SCGB1D1: variants seen among roughly 807,000 people sequenced by gnomAD.
The protein encoded by SCGB1D1 is secretoglobin family 1D member 1.
A neutral mutation model predicts 8.3 loss-of-function variants in SCGB1D1; 10 were observed. The observed-to-expected ratio is 1.21, with a 90% CI of 0.74 to 2.05. The LOEUF (loss-of-function observed/expected upper bound fraction) is 2.05. Ranked by LOEUF, SCGB1D1 falls within the 30% of genes most tolerant of loss-of-function variation. The pLI is 0.00. For missense variants in SCGB1D1, 94 were observed against 105.1 expected, an observed-to-expected ratio of 0.89 and a Z score of 0.46; for synonymous variants, 46 against 41.7, an observed-to-expected ratio of 1.10 and a Z score of -0.39.
intron 1 of SCGB1D1, 33 bp downstream of exon 1, chr11:62,190,372 C>T (rs1220237555): frequency 6.2e-7 from 1 of 1,613,540 alleles, no homozygotes; most frequent in African/African-American, 1.3e-5. Context: ...CAGCACCAGC[C>T]CTTGGGACAC....
rs748751797 is a variant in SCGB1D1, at chr11:62,193,468, A to T, written c.*40A>T. 8 of 1,537,682 alleles carry T rather than the reference A, an allele frequency of 5.2e-6. No homozygotes were observed. In the Admixed American group the frequency reaches 1.3e-4, roughly 26 times the overall value. On this transcript the variant is annotated 3_prime_UTR_variant, in exon 3 of 3. Transcript: ENST00000306238. ...TTAATGCTAGTTTCCACCATCTTTC[A>T]ATGATACCCTGATCTTCACTGCAGA... is the stretch of plus-strand genomic sequence containing the variant.
intron 1 of SCGB1D1, among the ~76,000 whole-genome samples, chr11:62,190,705 T>G (rs1944671942): frequency 6.6e-6 from 1 of 152,158 alleles, no homozygotes; most frequent in African/African-American, 2.4e-5. Flanking sequence ...CTATCTCTGG[T>G]GCTTAGAGCT....
Position 62,192,129 on chromosome 11 carries a change from G to A in SCGB1D1, c.129G>A (p.Lys43=). The A allele has an allele frequency of 6.2e-7, 1 of 1,613,916 alleles. No homozygotes were observed. The change falls in exon 2 of 3, where the codon AAG becomes AAA. Residue 43 remains lysine, a synonymous_variant. Transcript: ENST00000306238. ...TATTAGCTGGAAAACCTGTGTTCAA[G>A]TTCCAACTTGCCAAATTTAAGGCAC... ...GFLLAGKPVF[K]FQLAKFKAPL...
chr11:62,192,365 G>T (rs566084820), intron 2 of SCGB1D1, 122 bp downstream of exon 2: 4 of 801,488 alleles, frequency 5.0e-6, no homozygotes, highest in Non-Finnish European at 6.0e-6. Flanking sequence ...ACTGGTCACC[G>T]CTTGAGAAGG....
intron 2 of SCGB1D1, 22 bp downstream of exon 2, chr11:62,192,265 T>G (rs762565988): frequency 6.3e-7 from 1 of 1,589,046 alleles, no homozygotes; most frequent in Non-Finnish European, 8.6e-7. Flanking sequence ...CTCTTTCATG[T>G]GTCCAGGCTT....
In SCGB1D1 at chr11:62,193,424, G is replaced by T. The variant is rs766448972; in HGVS notation, c.269G>T (p.Arg90Leu). 6.2e-7 allele frequency: 1 copy of T among 1,611,986 alleles called. No individual in the cohort carries two copies. The highest frequency in any genetic ancestry group is 2.2e-5 in the East Asian group (1 of 44,758). Residue 90 changes from arginine (R) to leucine (L), a missense_variant, in exon 3 of 3, where the codon CGC (arginine) becomes CTC (leucine). By Grantham distance (102) the Arg-to-Leu change is moderately radical. Coordinates refer to ENST00000306238, the MANE Select transcript of SCGB1D1 (RefSeq NM_006552.2). Reference sequence around the variant, plus strand: ...GGAAAAATAGCAGAGAAATGTGATCGCTGAGATGTAAAAAGTTTTTAATGC... The same window carrying T: ...GGAAAAATAGCAGAGAAATGTGATCTCTGAGATGTAAAAAGTTTTTAATGC... ...TLGKIAEKCD[R>L]
In SCGB1D1 at chr11:62,190,304, T is replaced by A; in HGVS notation, c.20T>A (p.Leu7His). The change falls in exon 1 of 3, where the codon CTC becomes CAC. Residue 7 changes from leucine (L) to histidine (H), a missense_variant. Coordinates refer to ENST00000306238, the MANE Select transcript of SCGB1D1 (RefSeq NM_006552.2). ...GCCACCATGAGGCTGTCGGTGTGTC[T>A]CCTGCTGCTCACGCTGGCCCTTTGC... MRLSVC[L>H]LLLTLALCCY... 3.1e-6 allele frequency: 5 copies of A among 1,614,174 alleles called. No individual in the cohort carries two copies. The highest frequency in any genetic ancestry group is 3.4e-6 in the Non-Finnish European group (4 of 1,180,016).
chr11:62,191,615 A>G (rs1413010096), intron 1 of SCGB1D1, among the ~76,000 whole-genome samples: 1 of 152,216 alleles, frequency 6.6e-6, no homozygotes, highest in African/African-American at 2.4e-5. Flanking sequence ...CTTCTGTTCC[A>G]GATTTACTCA....
At chr11:62,192,482 C>T (rs1005764233) in intron 2 of SCGB1D1, among the ~76,000 whole-genome samples, 4 of 152,200 alleles carry the variant, frequency 2.6e-5, no homozygotes, top group African/African-American at 9.6e-5. Context: ...ACCTGGATGC[C>T]GTGTCCCCAG....
Position 62,192,932 on chromosome 11 carries a change from C to A in SCGB1D1, c.244-467C>A, listed in dbSNP as rs574310623. ...TCTCAGCCTGGCTGCCTCTGGGTTG[C>A]TGTCCTGAGGTTTAGCTGCAAATGC... On this transcript the variant is annotated intron_variant, in intron 2 of 2. Coordinates refer to ENST00000306238, the MANE Select transcript of SCGB1D1 (RefSeq NM_006552.2). Among the ~76,000 whole-genome samples the A allele has an allele frequency of 2.0e-5, 3 of 152,334 alleles. 1 individual carries two copies. In the Middle Eastern group the frequency reaches 0.01, roughly 518 times the overall value.
At chr11:62,191,457 C>T (rs1422652778) in intron 1 of SCGB1D1, among the ~76,000 whole-genome samples, 1 of 152,184 alleles carries the variant, frequency 6.6e-6, no homozygotes, top group Non-Finnish European at 1.5e-5. Context: ...CCTGTATAAG[C>T]TTCTAATGTG....
chr11:62,193,340 G>GA, intron 2 of SCGB1D1, 59 bp from the exon 3 acceptor site: 1 of 1,510,936 alleles, frequency 6.6e-7, no homozygotes. Flanking sequence ...ATGTTAACCT[G>GA]TTGTCTCCAG....
intron 1 of SCGB1D1, among the ~76,000 whole-genome samples, chr11:62,191,741 A>G (rs1206256792): frequency 6.6e-6 from 1 of 152,240 alleles, no homozygotes; most frequent in Admixed American, 6.5e-5. Context: ...ACTGGCATAG[A>G]AAAGTGATTA....
At chr11:62,193,219 G>T (rs1283897670) in intron 2 of SCGB1D1, among the ~76,000 whole-genome samples, 180 bp from the exon 3 acceptor site, 3 of 152,126 alleles carry the variant, frequency 2.0e-5, no homozygotes, top group Non-Finnish European at 4.4e-5. Context: ...AGGGCTATTG[G>T]CCTGGCAAGG....
Position 62,190,261 on chromosome 11 carries a change from G to T in SCGB1D1, c.-24G>T, listed in dbSNP as rs966053796. The T allele has an allele frequency of 6.2e-7, 1 of 1,614,102 alleles. No homozygotes were observed. The highest frequency in any genetic ancestry group is 2.2e-5 in the East Asian group (1 of 44,870). On this transcript the variant is annotated 5_prime_UTR_variant, in exon 1 of 3. Coordinates refer to ENST00000306238, the MANE Select transcript of SCGB1D1 (RefSeq NM_006552.2). The stretch of plus-strand genomic sequence containing the variant: ...AAATCACTCATCATTGGTTAAAGCC[G>T]AGCTCACAGCAGAATAAGCCACCAT...
intron 1 of SCGB1D1, among the ~76,000 whole-genome samples, chr11:62,191,018 G>A (rs1392263722): frequency 3.9e-5 from 6 of 152,168 alleles, no homozygotes; most frequent in African/African-American, 1.4e-4. Flanking sequence ...CGTAATGGTG[G>A]TAGAAATACT....
chr11:62,191,377 C>A lies in SCGB1D1; in HGVS notation c.56-679C>A, dbSNP rs151190774. On this transcript the variant is annotated intron_variant, in intron 1 of 2. Coordinates refer to ENST00000306238, the MANE Select transcript of SCGB1D1 (RefSeq NM_006552.2). ...ATTCCCAGTGGGAGCAGGAATGAGC[C>A]TCAGTTCCCTCCTCTCATCCTCTCC... 3.2e-3 allele frequency among the ~76,000 whole-genome samples: 484 copies of A among 152,318 alleles called. 1 individual carries two copies. The highest frequency in any genetic ancestry group is 0.011 in the African/African-American group (453 of 41,576).
rs1325894315 is a variant in SCGB1D1, at chr11:62,190,268, C to T, written c.-17C>T. The T allele has an allele frequency of 1.2e-6, 2 of 1,614,066 alleles. No individual in the cohort carries two copies. The highest frequency in any genetic ancestry group is 1.1e-5 in the South Asian group (1 of 91,084). ...TCATCATTGGTTAAAGCCGAGCTCACAGCAGAATAAGCCACCATGAGGCTG... is the reference window on the plus strand; with the variant it reads ...TCATCATTGGTTAAAGCCGAGCTCATAGCAGAATAAGCCACCATGAGGCTG... On this transcript the variant is annotated 5_prime_UTR_variant, in exon 1 of 3. Coordinates refer to ENST00000306238, the MANE Select transcript of SCGB1D1 (RefSeq NM_006552.2).
chr11:62,191,966 C>T (rs1229232632), intron 1 of SCGB1D1, 90 bp from the exon 2 acceptor site: 8 of 1,194,076 alleles, frequency 6.7e-6, no homozygotes, highest in Non-Finnish European at 9.2e-6. Flanking sequence ...AGCCTAAAAC[C>T]CTGGGGTTCC....
Sources: gnomAD v4.1 joint callset for allele counts (sites outside exome capture counted in the v4.1 genomes callset) on GRCh38, gnomAD v4.1.1 for gene constraint, MANE v1.5 for transcripts, NCBI Gene and HGNC (gene_info 2026-07-23, HGNC 2026-07-21) for gene names.